CNTNAP5: variants seen among roughly 807,000 people sequenced by gnomAD.
CNTNAP5 encodes the protein contactin associated protein family member 5.
CNTNAP5 carries 72 observed loss-of-function variants against 150.2 expected under a neutral mutation model. The observed-to-expected ratio is 0.48, with a 90% confidence interval of 0.40 to 0.58. The LOEUF is 0.58. Among genes scored for constraint, CNTNAP5 ranks in the 20% least tolerant of loss-of-function variants. The probability of loss-of-function intolerance (pLI) is 0.00; values close to 1 mark genes in which losing one functional copy is unlikely to be tolerated. For missense variants in CNTNAP5, 1,636 were observed against 1,626.2 expected (o/e 1.01, Z -0.10); for synonymous variants, 672 against 619.8 (o/e 1.08, Z -1.25).
chr2:124,294,391 T>C (rs1426837774), intron 3 of CNTNAP5, among the ~76,000 whole-genome samples: 9 of 152,110 alleles, frequency 5.9e-5, no homozygotes, highest in Admixed American at 2.6e-4. Context: ...TGGAGTTCAA[T>C]GTAAACATAT....
chr2:124,146,732 T>C (rs906602686), intron 1 of CNTNAP5, among the ~76,000 whole-genome samples: 5 of 152,210 alleles, frequency 3.3e-5, no homozygotes, highest in African/African-American at 1.2e-4. Flanking sequence ...ATGTTTATTA[T>C]TTTTATTCTA....
chr2:124,510,684 G>A (rs1304627178), intron 8 of CNTNAP5, among the ~76,000 whole-genome samples: 1 of 151,804 alleles, frequency 6.6e-6, no homozygotes. Flanking sequence ...GTAAGGGCCT[G>A]TCTACTTCTA....
intron 13 of CNTNAP5, among the ~76,000 whole-genome samples, chr2:124,665,649 G>A (rs989975107): frequency 2.6e-4 from 40 of 152,168 alleles, no homozygotes; most frequent in African/African-American, 9.7e-4. Context: ...CACTTTGGGA[G>A]GCCGAGACCG....
chr2:124,807,694 G>A (rs1445927449), intron 19 of CNTNAP5, among the ~76,000 whole-genome samples: 1 of 152,048 alleles, frequency 6.6e-6, no homozygotes, highest in Non-Finnish European at 1.5e-5. Flanking sequence ...ACGTTTCATG[G>A]TACTGTGTGT....
intron 3 of CNTNAP5, among the ~76,000 whole-genome samples, chr2:124,254,401 G>A (rs933464126): frequency 6.6e-6 from 1 of 152,156 alleles, no homozygotes; most frequent in Non-Finnish European, 1.5e-5. Context: ...CTGGTAAGGG[G>A]GGCAGTCTCC....
chr2:124,088,533 T>C (rs1242501922), intron 1 of CNTNAP5, among the ~76,000 whole-genome samples: 1 of 152,218 alleles, frequency 6.6e-6, no homozygotes, highest in Non-Finnish European at 1.5e-5. Context: ...TTTCATATTA[T>C]GTTATGAGAT....
At chr2:124,258,591 T>C (rs1157509756) in intron 3 of CNTNAP5, among the ~76,000 whole-genome samples, 1 of 152,130 alleles carries the variant, frequency 6.6e-6, no homozygotes, top group Non-Finnish European at 1.5e-5. Flanking sequence ...CAAGTTCAAA[T>C]TGTGGCCAGA....
At chr2:124,835,366 G>A (rs546375905) in intron 19 of CNTNAP5, among the ~76,000 whole-genome samples, 1 of 152,026 alleles carries the variant, frequency 6.6e-6, no homozygotes, top group Non-Finnish European at 1.5e-5. Flanking sequence ...GGACCTGAAC[G>A]ACTAGATTTA....
Position 124,504,465 on chromosome 2 carries a change from G to A in CNTNAP5, c.1236G>A (p.Glu412=), listed in dbSNP as rs1694354834. The A allele has an allele frequency of 6.2e-7, 1 of 1,613,780 alleles. No homozygotes were observed. Among genetic ancestry groups the A allele is most frequent in the African/African-American group, 1.3e-5 (1 of 74,978 alleles). ...DGLLLSTELS[E]GSGTLLLSLE... is the part of the protein sequence containing the mutation. ...TGCTTCTGTCCACAGAGCTGTCTGA[G>A]GGCTCGGGAACCCTGCTGCTGAGCC... Residue 412 remains glutamate, a synonymous_variant, in exon 8 of 24, where the codon GAG becomes GAA. Transcript: ENST00000682447.
At chr2:124,137,333 T>G (rs1045349045) in intron 1 of CNTNAP5, among the ~76,000 whole-genome samples, 1 of 151,694 alleles carries the variant, frequency 6.6e-6, no homozygotes, top group Non-Finnish European at 1.5e-5. Flanking sequence ...TCCATGTTAA[T>G]CCAAACTTTA....
chr2:124,419,438 G>A (rs747545670), intron 4 of CNTNAP5, among the ~76,000 whole-genome samples: 9 of 152,134 alleles, frequency 5.9e-5, no homozygotes, highest in Non-Finnish European at 1.3e-4. Flanking sequence ...ACCCCTTGGA[G>A]AATCTGATAA....
intron 3 of CNTNAP5, among the ~76,000 whole-genome samples, chr2:124,243,330 G>C (rs1558816655): frequency 6.6e-6 from 1 of 152,000 alleles, no homozygotes; most frequent in African/African-American, 2.4e-5. Flanking sequence ...CTTTACATTA[G>C]TGTTGTCTTC....
At chr2:124,076,395 T>C (rs1025209682) in intron 1 of CNTNAP5, among the ~76,000 whole-genome samples, 5 of 152,166 alleles carry the variant, frequency 3.3e-5, no homozygotes, top group Non-Finnish European at 7.4e-5. Context: ...AAGACTATAG[T>C]CTATTACGAT....
rs57053606 is a variant in CNTNAP5, at chr2:124,056,478, G to T, written c.82+30746G>T. ...TCTATACTAAAAATACAAAAAAAAA[G>T]AAAAAAAGAAAGGAAAAATTAGCCG... On this transcript the variant is annotated intron_variant, in intron 1 of 23. Transcript: ENST00000682447. Among the ~76,000 whole-genome samples the T allele has an allele frequency of 4.7e-5, 7 of 148,232 alleles. No homozygotes were observed. The Admixed American group carries it at 4.7e-4, about 10-fold the overall frequency.
intron 3 of CNTNAP5, among the ~76,000 whole-genome samples, chr2:124,255,402 T>C (rs889680165): frequency 6.6e-6 from 1 of 151,850 alleles, no homozygotes; most frequent in Admixed American, 6.6e-5. Context: ...TGTTCACCTG[T>C]AGTCCCAGCT....
chr2:124,329,710 C>T lies in CNTNAP5; in HGVS notation c.381+87317C>T, dbSNP rs532261981. Among the ~76,000 whole-genome samples the T allele has an allele frequency of 7.2e-5, 11 of 152,212 alleles. No individual in the cohort carries two copies. In the South Asian group the frequency reaches 2.3e-3, roughly 32 times the overall value. ...CTCCTATCTCCGGGTATTTGTCAGT[C>T]CAATTAAACAGTTGGTTTGTATTTC... On this transcript the variant is annotated intron_variant, in intron 3 of 23. Coordinates refer to ENST00000682447, the MANE Select transcript of CNTNAP5 (RefSeq NM_001367498.1).
At chr2:124,770,934 A>G (rs980476710) in intron 16 of CNTNAP5, among the ~76,000 whole-genome samples, 5 of 152,196 alleles carry the variant, frequency 3.3e-5, no homozygotes, top group African/African-American at 1.2e-4. Context: ...GCATGGTGAC[A>G]TTGAAAACTC....
rs543303106 is a variant in CNTNAP5 at position 124,609,761 on chromosome 2, GC to G, written c.1757-38del. ...TGATTCCTGCAAAGGGATATGCAGA[GC>G]CAAGCAAAGTTTTATCTCTGCTGCC... On this transcript the variant is annotated intron_variant, in intron 11 of 23. Coordinates refer to ENST00000682447, the MANE Select transcript of CNTNAP5 (RefSeq NM_001367498.1). 833 of 1,606,386 alleles carry G rather than the reference GC, an allele frequency of 5.2e-4. 3 individuals carry two copies. In the African/African-American group the frequency reaches 0.01, roughly 19 times the overall value.
Position 124,681,149 on chromosome 2 carries a change from A to T in CNTNAP5, c.2077+33191A>T, listed in dbSNP as rs148379701. On this transcript the variant is annotated intron_variant, in intron 13 of 23. Transcript: ENST00000682447. ...AAAAAAATAAATAAATAAAAATACA[A>T]AAATTAGCCGGGCATGGTGGTGGGC... 6.4e-3 allele frequency among the ~76,000 whole-genome samples: 964 copies of T among 151,768 alleles called. 17 individuals carry two copies. The highest frequency in any genetic ancestry group is 0.021 in the African/African-American group (874 of 41,462).
Sources: allele counts gnomAD v4.1 joint callset (sites outside exome capture counted in the v4.1 genomes callset), GRCh38; gene constraint gnomAD v4.1.1; transcripts MANE v1.5; gene names NCBI Gene and HGNC (gene_info 2026-07-23, HGNC 2026-07-21).